Variants in BDKRB2 observed in about 807,000 individuals in gnomAD.
BDKRB2 encodes B2 bradykinin receptor.
A neutral mutation model predicts 4.0 loss-of-function variants in BDKRB2; 6 were observed. That is an observed-to-expected ratio of 1.49 (90% CI 0.81 to 2.93). The LOEUF (loss-of-function observed/expected upper bound fraction) is 2.93. Among genes scored for constraint, BDKRB2 ranks in the 30% most tolerant of loss-of-function variants. The pLI is 0.00. For missense variants in BDKRB2, 478 were observed against 520.1 expected, an observed-to-expected ratio of 0.92 and a Z score of 0.79; for synonymous variants, 225 against 215.3, an observed-to-expected ratio of 1.05 and a Z score of -0.40.
At chr14:96,221,562 G>A (rs1259424976) in intron 1 of BDKRB2, among the ~76,000 whole-genome samples, 8 of 152,234 alleles carry the variant, frequency 5.3e-5, no homozygotes, top group Middle Eastern at 3.4e-3. Context: ...ACACCCGGAG[G>A]ACAGAGTTCT....
At chr14:96,205,603 GA>G (rs1890159405) in intron 1 of BDKRB2, among the ~76,000 whole-genome samples, 1 of 152,222 alleles carries the variant, frequency 6.6e-6, no homozygotes, top group Non-Finnish European at 1.5e-5. Context: ...AGGGCAGGGG[GA>G]TAGGATGGTG....
At chr14:96,228,963 G>T (rs1305265524) in intron 1 of BDKRB2, among the ~76,000 whole-genome samples, 2 of 152,210 alleles carry the variant, frequency 1.3e-5, no homozygotes, top group Non-Finnish European at 2.9e-5. Flanking sequence ...TTCCCATCTG[G>T]AACATGGGAA....
At chr14:96,236,961 T>C (rs532463296) in intron 1 of BDKRB2, 108 bp from the exon 2 acceptor site, 54 of 711,270 alleles carry the variant, frequency 7.6e-5, no homozygotes, top group East Asian at 2.5e-5. Context: ...CAAACGTCCA[T>C]TGAGTCAGGG....
chr14:96,221,346 C>T (rs191044489), intron 1 of BDKRB2, among the ~76,000 whole-genome samples: 1 of 152,284 alleles, frequency 6.6e-6, no homozygotes, highest in East Asian at 1.9e-4. Flanking sequence ...AATGCTGGTG[C>T]AAGCTCATCA....
At chr14:96,237,613 T>C (rs1467938804) in intron 2 of BDKRB2, 2 of 1,226,360 alleles carry the variant, frequency 1.6e-6, no homozygotes, top group Non-Finnish European at 1.0e-6. Flanking sequence ...GAGGAGGACC[T>C]GAGCCAGAGT....
intron 1 of BDKRB2, among the ~76,000 whole-genome samples, chr14:96,231,027 G>A (rs4905474): frequency 0.24 from 36,760 of 152,064 alleles, 4,627 homozygotes; most frequent in East Asian, 0.38. Flanking sequence ...AAACTGAAAA[G>A]CCCAGTTTGG....
rs552962116 is a variant in BDKRB2, at chr14:96,207,125, A to G, written c.-40+2166A>G. ...AGGTGAATTTTGGAGGGACACAGGCATTTGGATCATAGCACCGGGGGACTC... is the reference window on the plus strand; with the variant it reads ...AGGTGAATTTTGGAGGGACACAGGCGTTTGGATCATAGCACCGGGGGACTC... On this transcript the variant is annotated intron_variant, in intron 1 of 2. Coordinates refer to ENST00000554311, the MANE Select transcript of BDKRB2 (RefSeq NM_001379692.1). Among the ~76,000 whole-genome samples the G allele has an allele frequency of 9.8e-5, 15 of 152,312 alleles. No homozygotes were observed. The South Asian group carries it at 2.7e-3, about 27-fold the overall frequency.
At chr14:96,221,494 C>A (rs959714297) in intron 1 of BDKRB2, among the ~76,000 whole-genome samples, 1 of 152,042 alleles carries the variant, frequency 6.6e-6, no homozygotes, top group Non-Finnish European at 1.5e-5. Context: ...ACTCAGGAGA[C>A]GTCAACAGAC....
intron 1 of BDKRB2, among the ~76,000 whole-genome samples, chr14:96,214,206 G>A (rs894732408): frequency 1.3e-5 from 2 of 152,190 alleles, no homozygotes; most frequent in Non-Finnish European, 2.9e-5. Flanking sequence ...GAGTACAGCC[G>A]CAGGGACTTT....
intron 2 of BDKRB2, chr14:96,238,849 T>G (rs977376622): frequency 2.0e-6 from 2 of 986,648 alleles, no homozygotes; most frequent in Admixed American, 6.1e-5. Flanking sequence ...CTCCACCCTC[T>G]GGGCCACAGT....
At chr14:96,216,175 C>G (rs1409105458) in intron 1 of BDKRB2, among the ~76,000 whole-genome samples, 3 of 152,200 alleles carry the variant, frequency 2.0e-5, no homozygotes, top group Non-Finnish European at 2.9e-5. Context: ...TTGTTAGCAG[C>G]AGAGATGACA....
intron 1 of BDKRB2, among the ~76,000 whole-genome samples, chr14:96,213,987 C>G (rs1954977128): frequency 6.6e-6 from 1 of 152,122 alleles, no homozygotes; most frequent in Admixed American, 6.5e-5. Context: ...CAGGGGAGAC[C>G]AGTGGGGCAG....
At chr14:96,223,719 A>T (rs1336851250) in intron 1 of BDKRB2, among the ~76,000 whole-genome samples, 1 of 152,120 alleles carries the variant, frequency 6.6e-6, no homozygotes, top group Non-Finnish European at 1.5e-5. Context: ...ATGTAAGGTC[A>T]CTTGTGGATT....
At chr14:96,227,641 AC>A (rs922162030) in intron 1 of BDKRB2, among the ~76,000 whole-genome samples, 11 of 151,896 alleles carry the variant, frequency 7.2e-5, no homozygotes, top group African/African-American at 7.3e-5. Flanking sequence ...ATATACACAC[AC>A]CAACACAAAC....
At chr14:96,208,651 C>T (rs1890240619) in intron 1 of BDKRB2, among the ~76,000 whole-genome samples, 2 of 152,180 alleles carry the variant, frequency 1.3e-5, no homozygotes, top group South Asian at 4.1e-4. Flanking sequence ...GTTGCATTTG[C>T]TTTGCAGTAA....
rs563215353 is a variant in BDKRB2 at position 96,220,657 on chromosome 14, T to C, written c.-40+15698T>C. On this transcript the variant is annotated intron_variant, in intron 1 of 2. Coordinates refer to ENST00000554311, the MANE Select transcript of BDKRB2 (RefSeq NM_001379692.1). The stretch of plus-strand genomic sequence containing the variant: ...AAGGCCCTCTCTGGAATCCATCCCT[T>C]TTCCTCCATCTCCCCAGACCTGGCT... Among the ~76,000 whole-genome samples the C allele has an allele frequency of 4.3e-5, 6 of 140,552 alleles. No individual in the cohort carries two copies. The Admixed American group carries it at 4.3e-4, about 10-fold the overall frequency. The allele number at this position is 140,552 out of a possible 152,430, so 92.2% of individuals were successfully genotyped here.
In BDKRB2 at chr14:96,204,887, ACG is replaced by A. The variant is rs1566685374; in HGVS notation, c.-111_-110del. ...CCGAGGAGGGGTGGGGACGGTGGGG[ACG>A]GTGGGGACATCAGGCTGCCCCGCAG... On this transcript the variant is annotated 5_prime_UTR_variant, in exon 1 of 3. Coordinates refer to ENST00000554311, the MANE Select transcript of BDKRB2 (RefSeq NM_001379692.1). The A allele has an allele frequency of 8.7e-6, 3 of 346,740 alleles. No individual in the cohort carries two copies. The highest frequency in any genetic ancestry group is 3.6e-5 in the Admixed American group (1 of 27,892). 21.5% of individuals were successfully genotyped at this position (346,740 alleles called of 1,614,324 possible). A position where few individuals can be genotyped will look rare whatever the true frequency, so the allele number is the denominator to read the frequency against.
In BDKRB2 at chr14:96,241,357, T is replaced by C. The variant is rs1456278866; in HGVS notation, c.1029T>C (p.Ser343=). ...VIVGKRFRKK[S]WEVYQGVCQK... is the part of the protein sequence containing the mutation. Reference sequence around the variant, plus strand: ...TGGGCAAGCGCTTCCGAAAGAAGTCTTGGGAGGTGTACCAGGGAGTGTGCC... The same window carrying C: ...TGGGCAAGCGCTTCCGAAAGAAGTCCTGGGAGGTGTACCAGGGAGTGTGCC... The change falls in exon 3 of 3, where the codon TCT becomes TCC. Residue 343 remains serine, a synonymous_variant. Coordinates refer to ENST00000554311, the MANE Select transcript of BDKRB2 (RefSeq NM_001379692.1). 1 of 1,613,910 alleles carries C rather than the reference T, an allele frequency of 6.2e-7. No individual in the cohort carries two copies. Among genetic ancestry groups the C allele is most frequent in the Non-Finnish European group, 8.5e-7 (1 of 1,180,006 alleles).
chr14:96,217,385 A>C (rs1890450122), intron 1 of BDKRB2, among the ~76,000 whole-genome samples: 1 of 152,208 alleles, frequency 6.6e-6, no homozygotes, highest in African/African-American at 2.4e-5. Flanking sequence ...GGATTTTACA[A>C]AATAATCTAT....
Sources: gnomAD v4.1 joint callset for allele counts (sites outside exome capture counted in the v4.1 genomes callset) on GRCh38, gnomAD v4.1.1 for gene constraint, MANE v1.5 for transcripts, NCBI Gene and HGNC (gene_info 2026-07-23, HGNC 2026-07-21) for gene names.